Variants in TUBGCP3 observed in about 807,000 individuals in gnomAD.
TUBGCP3 encodes gamma-tubulin complex component 3.
A neutral mutation model predicts 123.1 loss-of-function variants in TUBGCP3; 50 were observed. The observed-to-expected ratio is 0.41, with a 90% CI of 0.32 to 0.51. The LOEUF (loss-of-function observed/expected upper bound fraction) is 0.51. Among genes scored for constraint, TUBGCP3 ranks in the 20% least tolerant of loss-of-function variants. The probability of loss-of-function intolerance (pLI) is 0.36; values close to 1 mark genes in which losing one functional copy is unlikely to be tolerated. For synonymous variants in TUBGCP3, 405 were observed against 413.9 expected (o/e 0.98, Z 0.26); for missense variants, 882 against 1,127.0 (o/e 0.78, Z 3.11).
chr13:112,591,434 C>T (rs181662875), upstream of TUBGCP3, among the ~76,000 whole-genome samples: 2 of 152,310 alleles, frequency 1.3e-5, no homozygotes, highest in Admixed American at 6.5e-5. Context: ...TACAAGTTCC[C>T]ACCACACTTC....
chr13:112,586,631 C>T (rs547143262), intron 1 of TUBGCP3, among the ~76,000 whole-genome samples: 1 of 152,210 alleles, frequency 6.6e-6, no homozygotes, highest in African/African-American at 2.4e-5. Context: ...CTTTCCCTCA[C>T]CTGCCTCTTC....
intron 2 of TUBGCP3, among the ~76,000 whole-genome samples, chr13:112,568,078 TAGA>T (rs1233821484): frequency 6.6e-6 from 1 of 151,754 alleles, no homozygotes; most frequent in Non-Finnish European, 1.5e-5. Flanking sequence ...AATGGACTTC[TAGA>T]AGGTGTTATT....
intron 2 of TUBGCP3, among the ~76,000 whole-genome samples, chr13:112,566,687 G>C (rs1427385043): frequency 6.6e-6 from 1 of 152,134 alleles, no homozygotes. Context: ...TCTTTCTATA[G>C]AATGAGATTG....
chr13:112,544,297 C>CA (rs1479071542), intron 11 of TUBGCP3, among the ~76,000 whole-genome samples: 22 of 151,822 alleles, frequency 1.4e-4, no homozygotes, highest in Admixed American at 7.2e-4. Context: ...ACTAAAAATA[C>CA]AAAAATTAGC....
intron 3 of TUBGCP3, among the ~76,000 whole-genome samples, chr13:112,563,306 C>G (rs1566581465): frequency 6.6e-6 from 1 of 152,190 alleles, no homozygotes; most frequent in Non-Finnish European, 1.5e-5. Flanking sequence ...CAACAACCTT[C>G]ACACTTCTGC....
intron 3 of TUBGCP3, among the ~76,000 whole-genome samples, chr13:112,560,378 C>T (rs1202687901): frequency 6.6e-6 from 1 of 150,416 alleles, no homozygotes; most frequent in East Asian, 2.0e-4. Context: ...TGCAGTGAGC[C>T]GAGATCCCGC....
chr13:112,591,989 A>G (rs927740235), upstream of TUBGCP3, among the ~76,000 whole-genome samples: 5 of 151,878 alleles, frequency 3.3e-5, no homozygotes, highest in African/African-American at 1.2e-4. Flanking sequence ...TGGAACCCAG[A>G]GAACAGTGCA....
intron 11 of TUBGCP3, among the ~76,000 whole-genome samples, chr13:112,530,587 C>T (rs931208376): frequency 1.3e-5 from 2 of 152,212 alleles, no homozygotes; most frequent in East Asian, 1.9e-4. Flanking sequence ...CAGCTTCCAC[C>T]GGCCGACTGC....
Position 112,515,775 on chromosome 13 carries a change from G to A in TUBGCP3, c.2086+665C>T, listed in dbSNP as rs573592963. Among the ~76,000 whole-genome samples, 16 of 152,304 alleles carry A rather than the reference G, an allele frequency of 1.1e-4. 1 individual carries two copies. The South Asian group carries it at 2.5e-3, about 24-fold the overall frequency. On this transcript the variant is annotated intron_variant, in intron 17 of 21. Transcript: ENST00000261965. ...GGGAACTCCCTGCCCCACAGCCTTC[G>A]GCAGGGGTCACTATTCTGGATCTCT...
chr13:112,579,611 A>G (rs1882138985), intron 1 of TUBGCP3, among the ~76,000 whole-genome samples: 1 of 149,882 alleles, frequency 6.7e-6, no homozygotes, highest in African/African-American at 2.5e-5. Flanking sequence ...GGGTGGAGCC[A>G]TGGCATCCCT....
In TUBGCP3 at chr13:112,526,944, T is replaced by C. The variant is rs1385784665; in HGVS notation, c.1553A>G (p.Asp518Gly). 3 of 1,612,254 alleles carry C rather than the reference T, an allele frequency of 1.9e-6. No homozygotes were observed. The highest frequency in any genetic ancestry group is 2.2e-5 in the East Asian group (1 of 44,874). The change falls in exon 13 of 22, where the codon GAC (aspartate) becomes GGC (glycine). Residue 518 changes from aspartate to glycine, a missense_variant and splice_region_variant. Asp to Gly is a moderately conservative substitution (Grantham distance 94). This residue lies in a region of TUBGCP3 where 713 missense variants were observed against 874.0 expected (regional missense o/e 0.82). Coordinates refer to ENST00000261965, the MANE Select transcript of TUBGCP3 (RefSeq NM_006322.6). ...CCACCCCACCAGCATCATCATACCG[T>C]CCTGGGGTGACTCTGCAGACTTGGT... is the stretch of plus-strand genomic sequence containing the variant. ...AVTKSAESPQDAADLFTDLEN... is the reference protein window; with the variant it reads ...AVTKSAESPQGAADLFTDLEN...
chr13:112,499,278 C>T (rs1880734007), intron 19 of TUBGCP3, 93 bp from the exon 20 acceptor site: 1 of 1,435,482 alleles, frequency 7.0e-7, no homozygotes. Flanking sequence ...TATTAGAAAA[C>T]AAGATATCAA....
chr13:112,588,093 G>C lies in TUBGCP3; in HGVS notation c.-113C>G, dbSNP rs1882764316. The C allele has an allele frequency of 1.0e-6, 1 of 970,698 alleles. No individual in the cohort carries two copies. The highest frequency in any genetic ancestry group is 1.7e-5 in the African/African-American group (1 of 58,486). The allele number at this position is 970,698 out of a possible 1,614,324, so 60.1% of individuals were successfully genotyped here. On this transcript the variant is annotated 5_prime_UTR_variant, in exon 1 of 22. Transcript: ENST00000261965. The stretch of plus-strand genomic sequence containing the variant: ...CCCGCAAGCTCCCTGCTCCTGACAG[G>C]CTAAGGCGCGGGCGCCGCCGGCCAC...
chr13:112,507,822 G>A (rs1881406148), intron 17 of TUBGCP3, among the ~76,000 whole-genome samples: 1 of 152,160 alleles, frequency 6.6e-6, no homozygotes, highest in South Asian at 2.1e-4. Flanking sequence ...CTTCAAATCA[G>A]TCTGAAAGTA....
rs767642643 is a variant in TUBGCP3, at chr13:112,588,002, G to A, written c.-22C>T. On this transcript the variant is annotated 5_prime_UTR_variant, in exon 1 of 22. Transcript: ENST00000261965. ...CCATCCTCGCCCGGAGCCGTGCACG[G>A]TGGTCCGGGCAGAGCCGCCACTGCC... The A allele has an allele frequency of 5.3e-6, 8 of 1,503,348 alleles. No homozygotes were observed. The highest frequency in any genetic ancestry group is 7.1e-6 in the Non-Finnish European group (8 of 1,125,172). 93.1% of individuals were successfully genotyped at this position (1,503,348 alleles called of 1,614,324 possible). A position where few individuals can be genotyped will look rare whatever the true frequency, so the allele number is the denominator to read the frequency against.
chr13:112,489,659 T>C lies in TUBGCP3; in HGVS notation c.2487A>G (p.Glu829=), dbSNP rs757958193. 1.9e-6 allele frequency: 3 copies of C among 1,614,192 alleles called. No homozygotes were observed. The highest frequency in any genetic ancestry group is 4.5e-5 in the East Asian group (2 of 44,876). ...WGVTAAEEEE[E]NKRIGEFKES... is the part of the protein sequence containing the mutation. ...CTTTAAATTCTCCAATCCTCTTATT[T>C]TCCTCCTCTTCCTCTGCTGCCGTCA... Residue 829 remains glutamate, a synonymous_variant, in exon 21 of 22, where the codon GAA becomes GAG. Transcript: ENST00000261965.
At chr13:112,557,955 T>C (rs914542121) in intron 5 of TUBGCP3, among the ~76,000 whole-genome samples, 1 of 152,228 alleles carries the variant, frequency 6.6e-6, no homozygotes, top group African/African-American at 2.4e-5. Context: ...GGCACTTCAG[T>C]GACAGGTGAG....
At chr13:112,493,238 T>C (rs1465618492) in intron 20 of TUBGCP3, among the ~76,000 whole-genome samples, 1 of 142,408 alleles carries the variant, frequency 7.0e-6, no homozygotes, top group Non-Finnish European at 1.5e-5. Flanking sequence ...ACACTCTAGC[T>C]TTGGGAACAG....
At chr13:112,512,447 A>C (rs975859710) in intron 17 of TUBGCP3, among the ~76,000 whole-genome samples, 23 of 150,654 alleles carry the variant, frequency 1.5e-4, no homozygotes, top group Non-Finnish European at 3.1e-4. Flanking sequence ...AAAAAAAAAA[A>C]AAAGGCCCAG....
Sources: gnomAD v4.1 joint callset for allele counts (sites outside exome capture counted in the v4.1 genomes callset) on GRCh38, gnomAD v4.1.1 for gene constraint, gnomAD v4.1.1 regional missense constraint, MANE v1.5 for transcripts, NCBI Gene and HGNC (gene_info 2026-07-23, HGNC 2026-07-21) for gene names.